GRAMD2B: variants seen among roughly 807,000 people sequenced by gnomAD.
GRAMD2B encodes the protein GRAM domain containing 2B.
In GRAMD2B, 41 loss-of-function variants were observed where a neutral mutation model predicts 59.2. The observed-to-expected ratio is 0.69, with a 90% CI of 0.54 to 0.90. GRAMD2B has a LOEUF of 0.90. Among genes scored for constraint, GRAMD2B ranks in the 40% least tolerant of loss-of-function variants. The pLI, the probability that GRAMD2B is intolerant of heterozygous loss-of-function variation, is 0.00. For synonymous variants in GRAMD2B, 161 were observed against 182.7 expected, an observed-to-expected ratio of 0.88 and a Z score of 0.96; for missense variants, 424 against 500.5, an observed-to-expected ratio of 0.85 and a Z score of 1.46.
intron 8 of GRAMD2B, 68 bp downstream of exon 8, chr5:126,480,775 T>C: frequency 1.4e-6 from 2 of 1,384,498 alleles, no homozygotes; most frequent in Non-Finnish European, 2.1e-6. Flanking sequence ...CACTTGTGCT[T>C]ACACCATGAC....
At chr5:126,457,960 T>A (rs2126729018) in intron 1 of GRAMD2B, among the ~76,000 whole-genome samples, 1 of 152,344 alleles carries the variant, frequency 6.6e-6, no homozygotes, top group Non-Finnish European at 1.5e-5. Flanking sequence ...CTGAAGACAT[T>A]AATTCATAGG....
At position 126,463,620 on chromosome 5, in the gene GRAMD2B, C is replaced by A. The variant is rs191616318; in HGVS notation, c.84-1806C>A. On this transcript the variant is annotated intron_variant, in intron 1 of 13. Transcript: ENST00000285689. Reference sequence around the variant, plus strand: ...GACTGAGCCCTTTTAATGTATGTAACTGTTTTAAGTACTTGGAGAAAAATT... The same window carrying A: ...GACTGAGCCCTTTTAATGTATGTAAATGTTTTAAGTACTTGGAGAAAAATT... Among the ~76,000 whole-genome samples the A allele has an allele frequency of 4.7e-4, 71 of 152,274 alleles. No homozygotes were observed. The South Asian group carries it at 7.3e-3, about 16-fold the overall frequency.
chr5:126,443,037 G>C (rs577094494), intron 1 of GRAMD2B, among the ~76,000 whole-genome samples: 2 of 152,118 alleles, frequency 1.3e-5, no homozygotes, highest in Non-Finnish European at 2.9e-5. Context: ...TTATCTATCA[G>C]TAGTACTGAT....
At chr5:126,368,520 C>T (rs183356981), upstream of GRAMD2B, among the ~76,000 whole-genome samples, 1 of 152,318 alleles carries the variant, frequency 6.6e-6, no homozygotes, top group East Asian at 1.9e-4. Flanking sequence ...TGAAATTCAC[C>T]GGGCAAGCCC....
intron 8 of GRAMD2B, chr5:126,481,026 T>A: frequency 2.9e-6 from 1 of 348,900 alleles, no homozygotes; most frequent in Admixed American, 4.4e-5. Flanking sequence ...GATTCACAAA[T>A]CTATTTGAGG....
At chr5:126,458,480 T>C (rs980227037) in intron 1 of GRAMD2B, among the ~76,000 whole-genome samples, 3 of 150,514 alleles carry the variant, frequency 2.0e-5, no homozygotes, top group Non-Finnish European at 4.4e-5. Flanking sequence ...AGAGAAAAAA[T>C]AATAAGGGAC....
chr5:126,467,122 T>C (rs541982264), intron 2 of GRAMD2B, among the ~76,000 whole-genome samples: 90 of 152,064 alleles, frequency 5.9e-4, no homozygotes, highest in Non-Finnish European at 1.0e-3. Flanking sequence ...AAACCCCATC[T>C]CTACTAAAAA....
intron 1 of GRAMD2B, among the ~76,000 whole-genome samples, chr5:126,450,970 CCA>C (rs1380298996): frequency 1.3e-5 from 2 of 152,260 alleles, no homozygotes; most frequent in Admixed American, 6.5e-5. Flanking sequence ...GGTTGTGCCC[CCA>C]CACAGAGTGC....
chr5:126,390,084 G>A (rs545928657), intron 1 of GRAMD2B, among the ~76,000 whole-genome samples: 1 of 152,176 alleles, frequency 6.6e-6, no homozygotes, highest in Non-Finnish European at 1.5e-5. Context: ...ACTGAAAGAT[G>A]TCTTTATAGT....
At chr5:126,433,233 G>C (rs1761873080) in intron 1 of GRAMD2B, among the ~76,000 whole-genome samples, 1 of 152,108 alleles carries the variant, frequency 6.6e-6, no homozygotes, top group African/African-American at 2.4e-5. Flanking sequence ...ATATAATAAG[G>C]TAGGTACTAT....
rs926171555 is a variant in GRAMD2B, at chr5:126,423,536, T to C, written c.-71T>C. On this transcript the variant is annotated 5_prime_UTR_variant, in exon 1 of 14. Coordinates refer to ENST00000285689, the MANE Select transcript of GRAMD2B (RefSeq NM_023927.4). The stretch of plus-strand genomic sequence containing the variant: ...CTTGCTTGGCCTGCGCACCCGGACC[T>C]AGAAGCCGGGACGAGCCGGGGCAGA... 6.4e-7 allele frequency: 1 copy of C among 1,567,360 alleles called. No individual in the cohort carries two copies. Among genetic ancestry groups the C allele is most frequent in the Non-Finnish European group, 8.6e-7 (1 of 1,158,116 alleles).
At chr5:126,438,508 T>C (rs991872183) in intron 1 of GRAMD2B, among the ~76,000 whole-genome samples, 1 of 152,168 alleles carries the variant, frequency 6.6e-6, no homozygotes, top group Non-Finnish European at 1.5e-5. Flanking sequence ...GACTTCAAGT[T>C]TCAGTTTTCT....
chr5:126,364,094 T>A lies in GRAMD2B; in HGVS notation c.128+3635T>A, dbSNP rs557702192. 1.7e-3 allele frequency among the ~76,000 whole-genome samples: 257 copies of A among 152,358 alleles called. 1 individual carries two copies. Among genetic ancestry groups the A allele is most frequent in the Admixed American group, 5.0e-3 (77 of 15,304 alleles). On this transcript the variant is annotated intron_variant, in intron 1 of 13. Coordinates refer to the GRAMD2B transcript ENST00000513040. ...ATAAATATAAAATTTGCTAAATCCT[T>A]ATTATGTTCAAGGCAATATTTAAAG...
chr5:126,402,697 A>G (rs1229600547), intron 1 of GRAMD2B, among the ~76,000 whole-genome samples: 1 of 152,056 alleles, frequency 6.6e-6, no homozygotes. Context: ...AGCAGTATCT[A>G]TTTATCTCAC....
upstream of GRAMD2B, among the ~76,000 whole-genome samples, chr5:126,422,916 C>A (rs909310946): frequency 9.2e-6 from 1 of 108,746 alleles, no homozygotes; most frequent in Non-Finnish European, 1.9e-5. Flanking sequence ...CCTCTAACCA[C>A]CCCCCCCACC....
chr5:126,441,974 T>G (rs1763372489), intron 1 of GRAMD2B, among the ~76,000 whole-genome samples: 2 of 152,096 alleles, frequency 1.3e-5, no homozygotes, highest in Non-Finnish European at 2.9e-5. Flanking sequence ...TAAAACACAT[T>G]TTTAAGCCTT....
chr5:126,486,760 G>A (rs1029825160), intron 11 of GRAMD2B, 113 bp from the exon 12 acceptor site: 38 of 633,460 alleles, frequency 6.0e-5, no homozygotes, highest in Non-Finnish European at 9.7e-5. Flanking sequence ...TTTTTACCAA[G>A]TTATTTTGGA....
At chr5:126,437,423 A>C (rs899133327) in intron 1 of GRAMD2B, among the ~76,000 whole-genome samples, 2 of 152,168 alleles carry the variant, frequency 1.3e-5, no homozygotes, top group African/African-American at 4.8e-5. Context: ...GGGTATTAAA[A>C]ATGAGTTCCC....
intron 1 of GRAMD2B, among the ~76,000 whole-genome samples, chr5:126,391,083 A>T (rs146925946): frequency 3.6e-4 from 55 of 152,192 alleles, no homozygotes; most frequent in African/African-American, 1.2e-3. Context: ...CAGGAGTTAG[A>T]TGTGGCACCA....
Sources: allele counts gnomAD v4.1 joint callset (sites outside exome capture counted in the v4.1 genomes callset), GRCh38; gene constraint gnomAD v4.1.1; transcripts MANE v1.5; gene names NCBI Gene and HGNC (gene_info 2026-07-23, HGNC 2026-07-21).